Variants in VAV3 observed in about 807,000 individuals in gnomAD.
The protein encoded by VAV3 is guanine nucleotide exchange factor VAV3.
A neutral mutation model predicts 131.2 loss-of-function variants in VAV3; 94 were observed. The observed-to-expected ratio is 0.72, with a 90% CI of 0.61 to 0.85. The LOEUF (loss-of-function observed/expected upper bound fraction) is 0.85. Ranked by LOEUF, VAV3 falls within the 40% of genes least tolerant of loss-of-function variation. The probability of loss-of-function intolerance (pLI) is 0.00; values close to 1 mark genes in which losing one functional copy is unlikely to be tolerated. For synonymous variants in VAV3, 349 were observed against 342.0 expected, an observed-to-expected ratio of 1.02 and a Z score of -0.22; for missense variants, 939 against 1,002.7, an observed-to-expected ratio of 0.94 and a Z score of 0.86.
Position 107,965,003 on chromosome 1 carries a change from G to A in VAV3, c.-134C>T. 3 of 725,190 alleles carry A rather than the reference G, an allele frequency of 4.1e-6. No individual in the cohort carries two copies. Among genetic ancestry groups the A allele is most frequent in the Non-Finnish European group, 5.3e-6 (3 of 562,932 alleles). 44.9% of individuals were successfully genotyped at this position (725,190 alleles called of 1,614,324 possible). On this transcript the variant is annotated 5_prime_UTR_variant, in exon 1 of 27. Transcript: ENST00000370056. ...CCTTTCCCCGCGCGGGATCGAGGGA[G>A]CAGGAGCCGCGGCTGACGGGTCGCG... is the stretch of plus-strand genomic sequence containing the variant.
At chr1:107,889,964 G>A (rs901680797) in intron 1 of VAV3, among the ~76,000 whole-genome samples, 1 of 152,176 alleles carries the variant, frequency 6.6e-6, no homozygotes, top group Non-Finnish European at 1.5e-5. Flanking sequence ...CAGAATTTGA[G>A]ATAATCTATC....
At chr1:107,697,262 G>GT (rs112688161) in intron 17 of VAV3, among the ~76,000 whole-genome samples, 2,402 of 152,234 alleles carry the variant, frequency 0.016, 82 homozygotes, top group African/African-American at 0.055. Context: ...CGATCTGAGA[G>GT]TAAAAAAAGG....
intron 19 of VAV3, among the ~76,000 whole-genome samples, chr1:107,663,868 A>G (rs1339648158): frequency 6.6e-6 from 1 of 152,208 alleles, no homozygotes; most frequent in Admixed American, 6.5e-5. Flanking sequence ...ATTTATCAAA[A>G]TATCACTTTA....
rs539502766 is a variant in VAV3, at chr1:107,583,889, A to T, written c.2351-9691T>A. The stretch of plus-strand genomic sequence containing the variant: ...TCAAGCTACCAATGACTTTCTTCAC[A>T]GAATTGGAAAAAACTACTTTAAAGT... On this transcript the variant is annotated intron_variant, in intron 25 of 26. Coordinates refer to ENST00000370056, the MANE Select transcript of VAV3 (RefSeq NM_006113.5). Among the ~76,000 whole-genome samples, 858 of 152,348 alleles carry T rather than the reference A, an allele frequency of 5.6e-3. 8 individuals carry two copies. Among genetic ancestry groups the T allele is most frequent in the African/African-American group, 0.019 (800 of 41,568 alleles).
At chr1:107,818,362 G>A (rs11585637) in intron 2 of VAV3, among the ~76,000 whole-genome samples, 23,842 of 151,718 alleles carry the variant, frequency 0.16, 2,219 homozygotes, top group Middle Eastern at 0.26. Flanking sequence ...TGCACCCAGT[G>A]CAGTTTTTTT....
At chr1:107,578,172 G>A (rs1191083296) in intron 25 of VAV3, among the ~76,000 whole-genome samples, 2 of 152,132 alleles carry the variant, frequency 1.3e-5, no homozygotes, top group Non-Finnish European at 2.9e-5. Context: ...AATGGCCTTG[G>A]AGCCCTCATA....
chr1:107,704,624 C>T lies in VAV3; in HGVS notation c.1631G>A (p.Cys544Tyr), dbSNP rs191384646. ...LRGTFYQGYL[C>Y]FKCGARAHKE... is the part of the protein sequence containing the mutation. ...GTGTGCTCTCGCTCCACACTTAAAA[C>T]ATAAATAGCCTTGATAAAATGTTCC... The change falls in exon 17 of 27, where the codon TGT becomes TAT. Residue 544 changes from cysteine (C) to tyrosine (Y), a missense_variant. Coordinates refer to ENST00000370056, the MANE Select transcript of VAV3 (RefSeq NM_006113.5). 2 of 1,613,732 alleles carry T rather than the reference C, an allele frequency of 1.2e-6. No homozygotes were observed. Among genetic ancestry groups the T allele is most frequent in the Non-Finnish European group, 8.5e-7 (1 of 1,179,834 alleles).
chr1:107,920,690 T>A (rs747075360), intron 1 of VAV3, among the ~76,000 whole-genome samples: 1 of 152,204 alleles, frequency 6.6e-6, no homozygotes, highest in Non-Finnish European at 1.5e-5. Flanking sequence ...AAAATTAAAG[T>A]GAGCTCAAAG....
At chr1:107,714,167 C>T (rs188742968) in intron 15 of VAV3, among the ~76,000 whole-genome samples, 3 of 152,200 alleles carry the variant, frequency 2.0e-5, no homozygotes, top group East Asian at 3.9e-4. Flanking sequence ...CCTTTTGAGA[C>T]CAATACTATG....
In VAV3 at chr1:107,796,800, A is replaced by T. The variant is rs201116818; in HGVS notation, c.322-17308T>A. On this transcript the variant is annotated intron_variant, in intron 2 of 26. Transcript: ENST00000370056. ...ACATGCTGTTATTTGTAAAAAAAAA[A>T]AAAAATATATATATATATGCAAATT... Among the ~76,000 whole-genome samples, 272 of 82,978 alleles carry T rather than the reference A, an allele frequency of 3.3e-3. 6 individuals are homozygous for T. In the East Asian group the frequency reaches 0.065, roughly 20 times the overall value. The allele number at this position is 82,978 out of a possible 152,430, so 54.4% of individuals were successfully genotyped here.
chr1:107,892,650 T>A (rs145630045), intron 1 of VAV3, among the ~76,000 whole-genome samples: 1 of 152,096 alleles, frequency 6.6e-6, no homozygotes, highest in Non-Finnish European at 1.5e-5. Flanking sequence ...TCTCTATCTA[T>A]ATATAAAGAC....
At chr1:107,960,433 G>A (rs1375989607) in intron 1 of VAV3, among the ~76,000 whole-genome samples, 7 of 151,502 alleles carry the variant, frequency 4.6e-5, no homozygotes, top group African/African-American at 7.3e-5. Context: ...GCCACTGCAC[G>A]CCAACTTGGG....
intron 19 of VAV3, among the ~76,000 whole-genome samples, chr1:107,662,564 T>C (rs1356108131): frequency 5.3e-5 from 8 of 152,190 alleles, no homozygotes; most frequent in Non-Finnish European, 1.2e-4. Context: ...TTCTATTTCA[T>C]TAAAAGCACT....
intron 19 of VAV3, among the ~76,000 whole-genome samples, chr1:107,652,206 A>G (rs1320677549): frequency 6.6e-6 from 1 of 152,138 alleles, no homozygotes; most frequent in African/African-American, 2.4e-5. Flanking sequence ...TGGCCACGGG[A>G]GTGACCTCTC....
rs760046318 is a variant in VAV3, at chr1:107,768,493, A to G, written c.665T>C (p.Leu222Pro). ...ESIEKYFMAP[L>P]KRFLTAAEFD... Reference sequence around the variant, plus strand: ...TTCTGCTGCTGTCAGAAATCTTTTTAGTGGTGCCATGAAATACTACCAGGA... The same window carrying G: ...TTCTGCTGCTGTCAGAAATCTTTTTGGTGGTGCCATGAAATACTACCAGGA... The change falls in exon 7 of 27, where the codon CTA becomes CCA. Residue 222 changes from leucine to proline, a missense_variant. By Grantham distance (98) the Leu-to-Pro change is moderately conservative. Transcript: ENST00000370056. 3.7e-6 allele frequency: 6 copies of G among 1,612,438 alleles called. No homozygotes were observed. In the African/African-American group the frequency reaches 6.7e-5, roughly 18 times the overall value.
At chr1:107,839,897 C>T (rs1668620490) in intron 2 of VAV3, among the ~76,000 whole-genome samples, 1 of 152,114 alleles carries the variant, frequency 6.6e-6, no homozygotes, top group Non-Finnish European at 1.5e-5. Context: ...CAATGAACAA[C>T]ACTATGCCCA....
intron 1 of VAV3, among the ~76,000 whole-genome samples, chr1:107,895,143 AAGCAGG>A (rs1671506591): frequency 6.6e-6 from 1 of 152,032 alleles, no homozygotes; most frequent in Admixed American, 6.6e-5. Context: ...GAGCTATGGG[AAGCAGG>A]AGCAGGAACA....
rs543872603 is a variant in VAV3 at position 107,732,226 on chromosome 1, A to G, written c.1502+16742T>C. On this transcript the variant is annotated intron_variant, in intron 15 of 26. Transcript: ENST00000370056. Reference sequence around the variant, plus strand: ...AACATTATAATGCTGACTTGAAAATATAAGTCTTGGGCAGCCGTTTCAAGA... The same window carrying G: ...AACATTATAATGCTGACTTGAAAATGTAAGTCTTGGGCAGCCGTTTCAAGA... Among the ~76,000 whole-genome samples, 21 of 152,320 alleles carry G rather than the reference A, an allele frequency of 1.4e-4. No individual in the cohort carries two copies. The Middle Eastern group carries it at 0.01, about 74-fold the overall frequency.
intron 7 of VAV3, among the ~76,000 whole-genome samples, chr1:107,766,802 A>G (rs1211070105): frequency 2.0e-5 from 3 of 151,976 alleles, no homozygotes; most frequent in Non-Finnish European, 4.4e-5. Flanking sequence ...GAAAGGAGAA[A>G]AAAGAAGGAA....
Sources: gnomAD v4.1 joint callset for allele counts (sites outside exome capture counted in the v4.1 genomes callset) on GRCh38, gnomAD v4.1.1 for gene constraint, MANE v1.5 for transcripts, NCBI Gene and HGNC (gene_info 2026-07-23, HGNC 2026-07-21) for gene names.